Variants in SRSF11 observed in about 807,000 individuals in gnomAD.
The protein encoded by SRSF11 is serine/arginine-rich splicing factor 11.
In SRSF11, 9 loss-of-function variants were observed where a neutral mutation model predicts 56.0. The ratio of observed to expected loss-of-function variants is 0.16; its 90% CI spans 0.10 to 0.28. The LOEUF is 0.28. SRSF11 is among the 10% of genes least tolerant of loss of function. SRSF11 has a pLI of 1.00. For missense variants in SRSF11, 421 were observed against 600.7 expected, an observed-to-expected ratio of 0.70 and a Z score of 3.13; for synonymous variants, 222 against 215.3, an observed-to-expected ratio of 1.03 and a Z score of -0.27.
chr1:70,235,350 T>C (rs1673732949), intron 4 of SRSF11, 151 bp from the exon 5 acceptor site: 4 of 642,402 alleles, frequency 6.2e-6, no homozygotes, highest in Non-Finnish European at 1.0e-5. Context: ...TTTTTTGTTT[T>C]TGTTTTTTCT....
upstream of SRSF11, among the ~76,000 whole-genome samples, chr1:70,216,767 A>G (rs781748737): frequency 9.6e-4 from 146 of 152,236 alleles, no homozygotes; most frequent in Non-Finnish European, 1.7e-3. Context: ...AATAATGATC[A>G]TTTATATATA....
upstream of SRSF11, among the ~76,000 whole-genome samples, chr1:70,216,608 A>T (rs970367100): frequency 6.6e-6 from 1 of 151,728 alleles, no homozygotes; most frequent in Admixed American, 6.6e-5. Flanking sequence ...ACTTTTTTGT[A>T]TTTTTTGTAG....
At chr1:70,226,105 C>G (rs1011219384) in intron 1 of SRSF11, among the ~76,000 whole-genome samples, 4 of 151,680 alleles carry the variant, frequency 2.6e-5, no homozygotes, top group Non-Finnish European at 4.4e-5. Context: ...GCAGGAGAAT[C>G]GCTTGAACCT....
At chr1:70,218,160 G>A (rs1321415193), upstream of SRSF11, among the ~76,000 whole-genome samples, 1 of 152,016 alleles carries the variant, frequency 6.6e-6, no homozygotes, top group Non-Finnish European at 1.5e-5. Context: ...AGTAGAGATG[G>A]GGTTTCACCA....
At chr1:70,239,309 C>A in intron 6 of SRSF11, 130 bp from the exon 7 acceptor site, 1 of 624,732 alleles carries the variant, frequency 1.6e-6, no homozygotes. Flanking sequence ...CCAGGCTGGT[C>A]TTGAACTCCT....
At chr1:70,230,472 G>A in intron 2 of SRSF11, 1 of 1,223,404 alleles carries the variant, frequency 8.2e-7, no homozygotes, top group South Asian at 1.4e-5. Context: ...TAATAGTAAT[G>A]GATTTGGGGA....
chr1:70,219,546 A>G (rs1670322565), upstream of SRSF11, among the ~76,000 whole-genome samples: 1 of 152,230 alleles, frequency 6.6e-6, no homozygotes, highest in South Asian at 2.1e-4. Flanking sequence ...ACATACATGG[A>G]ACCCATGGAT....
rs905939834 is a variant in SRSF11, at chr1:70,251,767, T to C, written c.*962T>C. On this transcript the variant is annotated 3_prime_UTR_variant, in exon 12 of 12. Transcript: ENST00000370949. ...GACAAATCTACTTGATAATGTACCT[T>C]TATTTGATCTCAAGTTGTATAAAAC... 6.6e-6 allele frequency: 1 copy of C among 152,598 alleles called. No individual in the cohort carries two copies. The highest frequency in any genetic ancestry group is 1.5e-5 in the Non-Finnish European group (1 of 67,986). 9.5% of individuals were successfully genotyped at this position (152,598 alleles called of 1,614,324 possible).
rs1300334052 is a variant in SRSF11, at chr1:70,252,569, T to TAA, written c.*1764_*1765insAA. 2.2e-5 allele frequency: 2 copies of TAA among 89,830 alleles called. No homozygotes were observed. Among genetic ancestry groups the TAA allele is most frequent in the Non-Finnish European group, 4.3e-5 (2 of 46,138 alleles). 5.6% of individuals were successfully genotyped at this position (89,830 alleles called of 1,614,324 possible). The stretch of plus-strand genomic sequence containing the variant: ...TTTACAGTTTGTAGTAAGTAACTTT[T>TAA]TAAAGATTTTATCAAAAAGAATTGT... On this transcript the variant is annotated 3_prime_UTR_variant, in exon 12 of 12. Transcript: ENST00000370949.
At chr1:70,235,474 CATT>C (rs1673769746) in intron 4 of SRSF11, 24 bp from the exon 5 acceptor site, 4 of 1,577,856 alleles carry the variant, frequency 2.5e-6, no homozygotes, top group East Asian at 2.2e-5. Context: ...TATGTATTCT[CATT>C]ATTCTTATGT....
At chr1:70,212,928 T>C (rs958116543) in intron 1 of SRSF11, among the ~76,000 whole-genome samples, 5 of 150,698 alleles carry the variant, frequency 3.3e-5, no homozygotes, top group African/African-American at 1.2e-4. Flanking sequence ...GGCGTGAGCC[T>C]ATAGTCCCAG....
At chr1:70,233,133 C>T (rs1288451263) in intron 3 of SRSF11, among the ~76,000 whole-genome samples, 5 of 152,098 alleles carry the variant, frequency 3.3e-5, no homozygotes, top group Non-Finnish European at 7.4e-5. Context: ...TGACTTTTAT[C>T]ACTTAACTCC....
chr1:70,228,731 A>G (rs1419287091), intron 2 of SRSF11, 176 bp downstream of exon 2: 1 of 1,288,144 alleles, frequency 7.8e-7, no homozygotes. Context: ...AAAATTAGAA[A>G]TTAGGTCTGT....
rs534710538 is a variant in SRSF11 at position 70,232,464 on chromosome 1, A to T, written c.447+87A>T. The stretch of plus-strand genomic sequence containing the variant: ...ACATATTTGAACTTTGTAAGTACTC[A>T]TAAGATTCTAGTTCAGATAGCATTA... On this transcript the variant is annotated intron_variant, in intron 3 of 11. Coordinates refer to ENST00000370949, the MANE Select transcript of SRSF11 (RefSeq NM_001350605.2). 2.4e-5 allele frequency: 24 copies of T among 984,404 alleles called. No homozygotes were observed. In the South Asian group the frequency reaches 3.7e-4, roughly 15 times the overall value. 61.0% of individuals were successfully genotyped at this position (984,404 alleles called of 1,614,324 possible). A position where few individuals can be genotyped will look rare whatever the true frequency, so the allele number is the denominator to read the frequency against.
In SRSF11 at chr1:70,239,462, C is replaced by T. The variant is rs751258816; in HGVS notation, c.742C>T (p.His248Tyr). ...AGATAAGAAAGAAGAAAAAAGAAGG[C>T]ATTCAAGATCAAGATCACGTTCTAG... is the stretch of plus-strand genomic sequence containing the variant. ...EPDKKEEKRR[H>Y]SRSRSRSRRR... is the part of the protein sequence containing the mutation. The change falls in exon 7 of 12, where the codon CAT becomes TAT. Residue 248 changes from histidine (H) to tyrosine (Y), a missense_variant. By Grantham distance (83) the His-to-Tyr change is moderately conservative. Transcript: ENST00000370949. 6.8e-6 allele frequency: 11 copies of T among 1,607,284 alleles called. 1 individual carries two copies. In the South Asian group the frequency reaches 8.9e-5, roughly 13 times the overall value.
Position 70,222,059 on chromosome 1 carries a change from C to T in SRSF11, c.203+220C>T, listed in dbSNP as rs191555129. Among the ~76,000 whole-genome samples the T allele has an allele frequency of 5.3e-3, 802 of 152,202 alleles. 5 individuals carry two copies. Among genetic ancestry groups the T allele is most frequent in the African/African-American group, 0.018 (759 of 41,514 alleles). On this transcript the variant is annotated intron_variant, in intron 1 of 11. Coordinates refer to ENST00000370949, the MANE Select transcript of SRSF11 (RefSeq NM_001350605.2). ...GAATTAGGAAACACTGGCTGTTATT[C>T]TCGGGAAATTTTTTTTTTCCGCCTT...
chr1:70,219,495 A>AT (rs1558148451), upstream of SRSF11, among the ~76,000 whole-genome samples: 1 of 152,174 alleles, frequency 6.6e-6, no homozygotes, highest in East Asian at 1.9e-4. Context: ...TAGACCATCA[A>AT]TTTTTTTCCA....
At chr1:70,205,966 A>C (rs1313917940) in intron 1 of SRSF11, among the ~76,000 whole-genome samples, 1 of 152,166 alleles carries the variant, frequency 6.6e-6, no homozygotes, top group Non-Finnish European at 1.5e-5. Flanking sequence ...CGCGGTCGGC[A>C]GCGTTTCTGG....
intron 2 of SRSF11, chr1:70,230,712 A>G: frequency 8.4e-7 from 1 of 1,191,460 alleles, no homozygotes; most frequent in Non-Finnish European, 1.1e-6. Flanking sequence ...TTTTTTTTTT[A>G]ATGGATGCAG....
Sources: gnomAD v4.1 joint callset for allele counts (sites outside exome capture counted in the v4.1 genomes callset) on GRCh38, gnomAD v4.1.1 for gene constraint, MANE v1.5 for transcripts, NCBI Gene and HGNC (gene_info 2026-07-23, HGNC 2026-07-21) for gene names.